THTPA: variants seen among roughly 807,000 people sequenced by gnomAD.
THTPA encodes thiamine-triphosphatase.
THTPA carries 16 observed loss-of-function variants against 16.5 expected under a neutral mutation model. The observed-to-expected ratio is 0.97, with a 90% confidence interval of 0.66 to 1.47. THTPA has a LOEUF of 1.47. THTPA is among the 40% of genes most tolerant of loss of function. The pLI, the probability that THTPA is intolerant of heterozygous loss-of-function variation, is 0.00. For missense variants in THTPA, 281 were observed against 280.9 expected, an observed-to-expected ratio of 1.00 and a Z score of 0.00; for synonymous variants, 110 against 115.5, an observed-to-expected ratio of 0.95 and a Z score of 0.30.
At chr14:23,529,143 G>A in the THTPA span, among the ~76,000 whole-genome samples, 11 of 152,230 alleles carry the variant, frequency 7.2e-5, no homozygotes, top group Non-Finnish European at 1.6e-4. Context: ...TCAAACCAGA[G>A]GCTGGGAATC....
At chr14:23,535,262 A>G in the THTPA span, 3 of 1,504,012 alleles carry the variant, frequency 2.0e-6, no homozygotes, top group Non-Finnish European at 2.7e-6. The surrounding 1 kb of genome is among the most constrained non-coding windows in gnomAD (Gnocchi z 4.5). Flanking sequence ...GAAGGCAGGG[A>G]CGGGGCATTG....
chr14:23,529,999 G>A, the THTPA span: 4 of 1,112,480 alleles, frequency 3.6e-6, no homozygotes, highest in East Asian at 2.6e-5. Flanking sequence ...CCCCTGATGA[G>A]CCCTTTCTTT....
At chr14:23,533,851 T>A in the THTPA span, 1 of 1,538,822 alleles carries the variant, frequency 6.5e-7, no homozygotes, top group Non-Finnish European at 8.7e-7. The surrounding 1 kb of genome is among the most constrained non-coding windows in gnomAD (Gnocchi z 4.8). Flanking sequence ...AAGGCGGGGG[T>A]GGGCGCCCCC....
chr14:23,557,104 A>C lies in THTPA; in HGVS notation c.347A>C (p.Gln116Pro). 1 of 1,614,194 alleles carries C rather than the reference A, an allele frequency of 6.2e-7. No homozygotes were observed. The highest frequency in any genetic ancestry group is 8.5e-7 in the Non-Finnish European group (1 of 1,180,034). Residue 116 changes from glutamine (Q) to proline (P), a missense_variant, in exon 1 of 2, where the codon CAG (glutamine) becomes CCG (proline). Physicochemically the swap from Gln to Pro is moderately conservative, Grantham distance 76. Coordinates refer to ENST00000288014, the MANE Select transcript of THTPA (RefSeq NM_024328.6). ...VAAVLGPLGLQEVASFVTKRS... is the reference protein window; with the variant it reads ...VAAVLGPLGLPEVASFVTKRS... ...GCTGTGCTGGGCCCACTGGGGCTGC[A>C]GGAAGTAGCTAGTTTTGTGACTAAG...
the THTPA span, among the ~76,000 whole-genome samples, chr14:23,517,978 C>T: frequency 6.6e-6 from 1 of 152,158 alleles, no homozygotes; most frequent in Non-Finnish European, 1.5e-5. Context: ...GCTTTTTCTA[C>T]CTACTTTTGT....
chr14:23,523,664 T>G, the THTPA span: 3 of 1,543,000 alleles, frequency 1.9e-6, no homozygotes, highest in African/African-American at 1.4e-5. This position sits in a 1 kb window ranked among gnomAD's most constrained non-coding sequence, Gnocchi z 4.1. Flanking sequence ...CTCACACTCC[T>G]GCATGGTGGG....
chr14:23,549,588 TAGGAAGA>T, the THTPA span, among the ~76,000 whole-genome samples: 1 of 151,566 alleles, frequency 6.6e-6, no homozygotes, highest in African/African-American at 2.4e-5. Flanking sequence ...AGCAGGGGCC[TAGGAAGA>T]AGATGAACTA....
chr14:23,528,577 T>C, the THTPA span: 62 of 984,360 alleles, frequency 6.3e-5, no homozygotes, highest in Non-Finnish European at 7.4e-5. Flanking sequence ...AGAGGCTCCC[T>C]TGTCCCTGCC....
Position 23,557,152 on chromosome 14 carries a change from T to C in THTPA, c.395T>C (p.Leu132Pro). Residue 132 changes from leucine (L) to proline (P), a missense_variant, in exon 1 of 2, where the codon CTC (leucine) becomes CCC (proline). Physicochemically the swap from Leu to Pro is moderately conservative, Grantham distance 98. Transcript: ENST00000288014. ...VTKRSAWKLVLLGADEEEPQL... is the reference protein window; with the variant it reads ...VTKRSAWKLVPLGADEEEPQL... Reference sequence around the variant, plus strand: ...AAGCGGAGTGCCTGGAAGCTGGTGCTCTTGGGAGCTGATGAAGAGGAGCCA... The same window carrying C: ...AAGCGGAGTGCCTGGAAGCTGGTGCCCTTGGGAGCTGATGAAGAGGAGCCA... 1 of 1,614,118 alleles carries C rather than the reference T, an allele frequency of 6.2e-7. No homozygotes were observed. Among genetic ancestry groups the C allele is most frequent in the African/African-American group, 1.3e-5 (1 of 75,012 alleles).
At chr14:23,521,936 C>A in the THTPA span, 340 of 1,535,478 alleles carry the variant, frequency 2.2e-4, 1 homozygote, top group African/African-American at 4.2e-3. Context: ...TGAGGCCCTC[C>A]CCTCTCCCCA....
the THTPA span, chr14:23,523,672 G>C: frequency 1.9e-6 from 3 of 1,540,728 alleles, no homozygotes; most frequent in South Asian, 1.2e-5. The surrounding 1 kb of genome is among the most constrained non-coding windows in gnomAD (Gnocchi z 4.1). Context: ...CCTGCATGGT[G>C]GGGGTGCGGT....
At chr14:23,522,617 C>G in the THTPA span, 1 of 1,532,418 alleles carries the variant, frequency 6.5e-7, no homozygotes, top group Non-Finnish European at 8.7e-7. Context: ...CGGTGCTGTT[C>G]CCCCAGCAGG....
chr14:23,551,869 C>G (rs1211253229), upstream of THTPA, among the ~76,000 whole-genome samples: 1 of 152,202 alleles, frequency 6.6e-6, no homozygotes, highest in African/African-American at 2.4e-5. The surrounding 1 kb of genome is among the most constrained non-coding windows in gnomAD (Gnocchi z 5.3). Context: ...CGCCCGCCTG[C>G]CTCGCGGGAC....
the THTPA span, among the ~76,000 whole-genome samples, chr14:23,514,868 C>T: frequency 6.6e-6 from 1 of 152,116 alleles, no homozygotes; most frequent in African/African-American, 2.4e-5. Flanking sequence ...AGTCAGCACT[C>T]CCTGGTCAAT....
In THTPA at chr14:23,559,055, C is replaced by G; in HGVS notation, c.*215C>G. 1.7e-6 allele frequency: 1 copy of G among 580,384 alleles called. No individual in the cohort carries two copies. Among genetic ancestry groups the G allele is most frequent in the South Asian group, 2.1e-5 (1 of 47,018 alleles). 36.0% of individuals were successfully genotyped at this position (580,384 alleles called of 1,614,324 possible). A position where few individuals can be genotyped will look rare whatever the true frequency, so the allele number is the denominator to read the frequency against. Reference sequence around the variant, plus strand: ...CAGATGCAATCTGTGGGCCGCCCCTCTCCCCTGGCCGCTAAGCAGCCTCCA... The same window carrying G: ...CAGATGCAATCTGTGGGCCGCCCCTGTCCCCTGGCCGCTAAGCAGCCTCCA... On this transcript the variant is annotated 3_prime_UTR_variant, in exon 2 of 2. Transcript: ENST00000288014.
chr14:23,523,461 A>G, the THTPA span: 1 of 1,536,122 alleles, frequency 6.5e-7, no homozygotes. This position sits in a 1 kb window ranked among gnomAD's most constrained non-coding sequence, Gnocchi z 4.1. Context: ...TGGCCTCGGC[A>G]GGAGACATAG....
chr14:23,513,261 C>A, the THTPA span: 2,115 of 152,522 alleles, frequency 0.014, 15 homozygotes, highest in Non-Finnish European at 0.02. Context: ...CTCCATCACC[C>A]CTCCGCCCGC....
In THTPA at chr14:23,559,028, G is replaced by A. The variant is rs752819115; in HGVS notation, c.*188G>A. On this transcript the variant is annotated 3_prime_UTR_variant, in exon 2 of 2. Coordinates refer to ENST00000288014, the MANE Select transcript of THTPA (RefSeq NM_024328.6). Reference sequence around the variant, plus strand: ...CCTGGCTGCTTCCTCTCGCTCATCCGTCAGATGCAATCTGTGGGCCGCCCC... The same window carrying A: ...CCTGGCTGCTTCCTCTCGCTCATCCATCAGATGCAATCTGTGGGCCGCCCC... The A allele has an allele frequency of 1.8e-5, 12 of 675,826 alleles. No individual in the cohort carries two copies. The highest frequency in any genetic ancestry group is 9.1e-5 in the African/African-American group (5 of 55,042). 41.9% of individuals were successfully genotyped at this position (675,826 alleles called of 1,614,324 possible).
chr14:23,532,661 C>T, the THTPA span: 83 of 1,497,722 alleles, frequency 5.5e-5, no homozygotes, highest in Non-Finnish European at 6.7e-5. Flanking sequence ...GATGTTGCAG[C>T]GCAGGTGTAG....
Sources: gnomAD v4.1 joint callset for allele counts (sites outside exome capture counted in the v4.1 genomes callset) on GRCh38, gnomAD v4.1.1 for gene constraint, Gnocchi (gnomAD v3.1) non-coding constraint, MANE v1.5 for transcripts, NCBI Gene and HGNC (gene_info 2026-07-23, HGNC 2026-07-21) for gene names.